Variants in KIF27 observed in about 807,000 individuals in gnomAD.
KIF27 encodes the protein kinesin-like protein KIF27.
Under a neutral mutation model 141.8 loss-of-function variants are expected in KIF27, and 84 were observed. The ratio of observed to expected loss-of-function variants is 0.59; its 90% CI spans 0.50 to 0.71. The LOEUF (loss-of-function observed/expected upper bound fraction) is 0.71, where lower values mean the gene tolerates loss of function less well. Among genes scored for constraint, KIF27 ranks in the 30% least tolerant of loss-of-function variants. The pLI, the probability that KIF27 is intolerant of heterozygous loss-of-function variation, is 0.00. For synonymous variants in KIF27, 471 were observed against 569.5 expected, an observed-to-expected ratio of 0.83 and a Z score of 2.46; for missense variants, 1,306 against 1,628.4, an observed-to-expected ratio of 0.80 and a Z score of 3.41.
At chr9:83,895,095 C>CAAA (rs757270382) in intron 5 of KIF27, among the ~76,000 whole-genome samples, 1 of 108,370 alleles carries the variant, frequency 9.2e-6, no homozygotes, top group African/African-American at 3.3e-5. Flanking sequence ...ACTAAAAATG[C>CAAA]AAAAAAAAAA....
rs187492747 is a variant in KIF27 at position 83,844,482 on chromosome 9, G to A, written c.3557-2081C>T. Among the ~76,000 whole-genome samples the A allele has an allele frequency of 9.1e-4, 138 of 152,100 alleles. 1 individual carries two copies. Among genetic ancestry groups the A allele is most frequent in the Middle Eastern group, 3.4e-3 (1 of 294 alleles). ...AGGATGGAGTTCTTTTGTTGGTTTT[G>A]GGGTTTCTGGAGTTGGCTGCTTAAT... On this transcript the variant is annotated intron_variant, in intron 16 of 17. Coordinates refer to ENST00000297814, the MANE Select transcript of KIF27 (RefSeq NM_017576.4).
chr9:83,881,604 T>G (rs1346416362), intron 10 of KIF27, among the ~76,000 whole-genome samples: 2 of 152,242 alleles, frequency 1.3e-5, no homozygotes, highest in Admixed American at 1.3e-4. Flanking sequence ...TCAAGGAAGC[T>G]GTGCAATGAC....
intron 3 of KIF27, among the ~76,000 whole-genome samples, chr9:83,908,037 G>A (rs1162734596): frequency 6.6e-6 from 1 of 152,166 alleles, no homozygotes; most frequent in Non-Finnish European, 1.5e-5. Context: ...GCTGAGGCAG[G>A]CGGATCACGA....
Position 83,903,604 on chromosome 9 carries a change from G to C in KIF27, c.914C>G (p.Ser305Cys), listed in dbSNP as rs374690692. 14 of 1,613,996 alleles carry C rather than the reference G, an allele frequency of 8.7e-6. No individual in the cohort carries two copies. Among genetic ancestry groups the C allele is most frequent in the Non-Finnish European group, 1.2e-5 (14 of 1,180,022 alleles). ...GACAGTCTTAGCACTGCCTCCCAGA[G>C]AATCTTTCAGAAGCCGGGTAATTTT... The part of the protein sequence containing the change: ...DAKITRLLKD[S>C]LGGSAKTVMI... Residue 305 changes from serine (S) to cysteine (C), a missense_variant, in exon 4 of 18, where the codon TCT becomes TGT. This residue lies in a region of KIF27 where 533 missense variants were observed against 565.6 expected (regional missense o/e 0.94). Coordinates refer to ENST00000297814, the MANE Select transcript of KIF27 (RefSeq NM_017576.4).
At position 83,915,398 on chromosome 9, in the gene KIF27, A is replaced by C; in HGVS notation, c.194T>G (p.Ile65Arg). Residue 65 changes from isoleucine (I) to arginine (R), a missense_variant, in exon 2 of 18, where the codon ATA (isoleucine) becomes AGA (arginine). Physicochemically the swap from Ile to Arg is moderately conservative, Grantham distance 97. Around this residue, in one of 4 missense-constraint regions of KIF27, gnomAD observed 533 missense variants for 565.6 expected, o/e 0.94. Transcript: ENST00000297814. ...STQDEVYNTCIKPLVLSLIEG... is the reference protein window; with the variant it reads ...STQDEVYNTCRKPLVLSLIEG... ...AATGAGTGACAACACTAGGGGCTTT[A>C]TACATGTGTTATAAACTTCATCTTG... The C allele has an allele frequency of 1.2e-6, 2 of 1,613,876 alleles. No homozygotes were observed. Among genetic ancestry groups the C allele is most frequent in the Non-Finnish European group, 8.5e-7 (1 of 1,179,830 alleles).
chr9:83,880,844 A>G (rs935406377), intron 10 of KIF27, among the ~76,000 whole-genome samples: 7 of 152,218 alleles, frequency 4.6e-5, no homozygotes. Flanking sequence ...CTCTTATCAT[A>G]TACCCCTAAT....
intron 10 of KIF27, among the ~76,000 whole-genome samples, chr9:83,882,426 G>T (rs1951755131): frequency 6.6e-6 from 1 of 152,178 alleles, no homozygotes; most frequent in South Asian, 2.1e-4. Context: ...ATGGGACTCT[G>T]ACTGAGTTAT....
intron 10 of KIF27, among the ~76,000 whole-genome samples, chr9:83,881,563 C>T (rs912639190): frequency 2.6e-5 from 4 of 152,180 alleles, no homozygotes; most frequent in Non-Finnish European, 4.4e-5. Flanking sequence ...CTGTTAGATT[C>T]GGTTGACGTT....
chr9:83,887,036 A>G lies in KIF27; in HGVS notation c.2239+5T>C. ...CATTTAAGCTGGTTCACAAGATACT[A>G]TTACCTGTTTTTATTAATTCTTTAA... is the stretch of plus-strand genomic sequence containing the variant. On this transcript the variant is annotated splice_donor_5th_base_variant and intron_variant, in intron 9 of 17. Coordinates refer to ENST00000297814, the MANE Select transcript of KIF27 (RefSeq NM_017576.4). The G allele has an allele frequency of 1.3e-6, 2 of 1,571,502 alleles. No individual in the cohort carries two copies. Among genetic ancestry groups the G allele is most frequent in the South Asian group, 1.2e-5 (1 of 83,186 alleles).
intron 15 of KIF27, among the ~76,000 whole-genome samples, chr9:83,851,316 A>G (rs1202287266): frequency 6.6e-6 from 1 of 152,166 alleles, no homozygotes; most frequent in Non-Finnish European, 1.5e-5. Context: ...TCCAGAATGG[A>G]TGTTATAAAT....
chr9:83,889,121 C>A lies in KIF27; in HGVS notation c.1942G>T (p.Asp648Tyr), dbSNP rs1160683485. 2 of 1,613,602 alleles carry A rather than the reference C, an allele frequency of 1.2e-6. No individual in the cohort carries two copies. The highest frequency in any genetic ancestry group is 1.7e-5 in the Admixed American group (1 of 59,980). The change falls in exon 7 of 18, where the codon GAT (aspartate) becomes TAT (tyrosine). Residue 648 changes from aspartate (D) to tyrosine (Y), a missense_variant. Asp to Tyr is a radical substitution (Grantham distance 160, BLOSUM62 -3). Coordinates refer to ENST00000297814, the MANE Select transcript of KIF27 (RefSeq NM_017576.4). ...LHCQFSDNSD[D>Y]EESEGQEKSG... The stretch of plus-strand genomic sequence containing the variant: ...TTCTCTTGGCCTTCTGATTCTTCAT[C>A]ATCACTGTTATCAGAAAATTGGCAG...
chr9:83,917,132 C>G (rs565209899), intron 1 of KIF27, among the ~76,000 whole-genome samples: 1 of 151,932 alleles, frequency 6.6e-6, no homozygotes, highest in Non-Finnish European at 1.5e-5. Flanking sequence ...TCCCTCCCCC[C>G]TTCCCCCACC....
Position 83,917,239 on chromosome 9 carries a change from A to T in KIF27, c.-87-1561T>A, listed in dbSNP as rs113419420. Among the ~76,000 whole-genome samples the T allele has an allele frequency of 6.6e-5, 10 of 152,264 alleles. 1 individual carries two copies. The highest frequency in any genetic ancestry group is 2.4e-4 in the African/African-American group (10 of 41,548). On this transcript the variant is annotated intron_variant, in intron 1 of 17. Transcript: ENST00000297814. ...AATTCCATTTACAATAGCATCAAAA[A>T]GAATAAAATACTTAGAAATAAATTT...
intron 12 of KIF27, 143 bp from the exon 13 acceptor site, chr9:83,868,003 A>G: frequency 1.2e-6 from 1 of 806,446 alleles, no homozygotes; most frequent in Non-Finnish European, 1.8e-6. Context: ...TAGCCGTCTG[A>G]GATCCTAAAG....
intron 5 of KIF27, among the ~76,000 whole-genome samples, chr9:83,894,758 T>G (rs1953015107): frequency 6.6e-6 from 1 of 152,182 alleles, no homozygotes; most frequent in Non-Finnish European, 1.5e-5. Flanking sequence ...TTGTTCCATG[T>G]GTCTTTTTCC....
At chr9:83,884,272 G>A (rs1036056393) in intron 9 of KIF27, among the ~76,000 whole-genome samples, 21 of 152,066 alleles carry the variant, frequency 1.4e-4, no homozygotes, top group Admixed American at 1.1e-3. Context: ...GCGTTTTAGA[G>A]TGACATCTCT....
chr9:83,860,697 G>C, intron 13 of KIF27, among the ~76,000 whole-genome samples: 1 of 151,970 alleles, frequency 6.6e-6, no homozygotes, highest in Middle Eastern at 3.2e-3. Flanking sequence ...GAAACATTTT[G>C]CCTGGAGCAT....
At chr9:83,841,143 T>C (rs1403934975) in intron 17 of KIF27, among the ~76,000 whole-genome samples, 1 of 152,108 alleles carries the variant, frequency 6.6e-6, no homozygotes, top group Non-Finnish European at 1.5e-5. Flanking sequence ...TGATCTCAGC[T>C]CACTGCAACC....
chr9:83,892,293 T>C (rs1441243300), intron 5 of KIF27, among the ~76,000 whole-genome samples: 2 of 152,188 alleles, frequency 1.3e-5, no homozygotes, highest in Admixed American at 6.5e-5. Flanking sequence ...AAATGCAACC[T>C]TACTTAAAAA....
Sources: gnomAD v4.1 joint callset for allele counts (sites outside exome capture counted in the v4.1 genomes callset) on GRCh38, gnomAD v4.1.1 for gene constraint, gnomAD v4.1.1 regional missense constraint, MANE v1.5 for transcripts, NCBI Gene and HGNC (gene_info 2026-07-23, HGNC 2026-07-21) for gene names.